Variants in LARGE1 observed in about 807,000 individuals in gnomAD.
The protein encoded by LARGE1 is xylosyl- and glucuronyltransferase LARGE1.
In LARGE1, 43 loss-of-function variants were observed where a neutral mutation model predicts 87.6. That is an observed-to-expected ratio of 0.49 (90% confidence interval 0.38 to 0.63). The LOEUF (loss-of-function observed/expected upper bound fraction) is 0.63, where lower values mean the gene tolerates loss of function less well. Ranked by LOEUF, LARGE1 falls within the 30% of genes least tolerant of loss-of-function variation. LARGE1 has a pLI of 0.00. For missense variants in LARGE1, 802 were observed against 1,000.2 expected (o/e 0.80, Z 2.67); for synonymous variants, 434 against 394.6 (o/e 1.10, Z -1.18).
At chr22:33,614,895 G>A (rs1023960503) in intron 4 of LARGE1, among the ~76,000 whole-genome samples, 6 of 152,126 alleles carry the variant, frequency 3.9e-5, no homozygotes, top group African/African-American at 4.8e-5. Flanking sequence ...AGCTGGTCTC[G>A]GGTGCAGTTC....
chr22:33,533,333 C>T (rs1052116961), intron 6 of LARGE1, among the ~76,000 whole-genome samples: 6 of 152,120 alleles, frequency 3.9e-5, no homozygotes, highest in African/African-American at 1.2e-4. Context: ...CCTGAAAGAC[C>T]GAGTCCTCAC....
At chr22:33,654,547 T>C (rs2080907547) in intron 2 of LARGE1, among the ~76,000 whole-genome samples, 1 of 152,134 alleles carries the variant, frequency 6.6e-6, no homozygotes, top group Admixed American at 6.5e-5. Context: ...TTCCTGACTA[T>C]TCCTTTTTCT....
the LARGE1 span, among the ~76,000 whole-genome samples, chr22:33,069,668 T>A: frequency 6.6e-6 from 1 of 152,194 alleles, no homozygotes; most frequent in South Asian, 2.1e-4. Flanking sequence ...AAGTACCCTA[T>A]AAATTTTAGC....
intron 11 of LARGE1, among the ~76,000 whole-genome samples, chr22:33,174,255 G>A (rs1226415308): frequency 6.6e-6 from 1 of 152,062 alleles, no homozygotes; most frequent in Non-Finnish European, 1.5e-5. Flanking sequence ...GGTAAATAAT[G>A]AAATAAAGGC....
chr22:33,743,859 C>A (rs1166217727), intron 2 of LARGE1: 1 of 152,232 alleles, frequency 6.6e-6, no homozygotes. Context: ...TTAATTTTCT[C>A]TAAGAGACAG....
intron 10 of LARGE1, among the ~76,000 whole-genome samples, chr22:33,317,117 G>A (rs1168052914): frequency 6.6e-6 from 1 of 152,108 alleles, no homozygotes; most frequent in Non-Finnish European, 1.5e-5. Flanking sequence ...AGGAGGCTGA[G>A]GCAGGAGAAT....
intron 2 of LARGE1, among the ~76,000 whole-genome samples, chr22:33,720,018 A>C (rs2083047728): frequency 6.6e-6 from 1 of 152,156 alleles, no homozygotes; most frequent in South Asian, 2.1e-4. Context: ...CTCCGCAGAC[A>C]AAGGTTGGGG....
intron 7 of LARGE1, among the ~76,000 whole-genome samples, chr22:33,387,882 GC>G (rs2065383651): frequency 6.6e-6 from 1 of 151,960 alleles, no homozygotes; most frequent in Non-Finnish European, 1.5e-5. Flanking sequence ...ATAATACCTT[GC>G]CACATTTACT....
chr22:33,551,067 G>T (rs1318445975), intron 6 of LARGE1, among the ~76,000 whole-genome samples: 2 of 152,116 alleles, frequency 1.3e-5, no homozygotes, highest in Non-Finnish European at 2.9e-5. Flanking sequence ...ATGGGAAAGG[G>T]GTGGATGATG....
chr22:33,470,630 A>T (rs1444332835), intron 6 of LARGE1, among the ~76,000 whole-genome samples: 1 of 152,182 alleles, frequency 6.6e-6, no homozygotes, highest in Non-Finnish European at 1.5e-5. Flanking sequence ...CCTCCCCGGA[A>T]GGGCCCCTCA....
chr22:33,305,844 C>T (rs57004220), intron 11 of LARGE1, among the ~76,000 whole-genome samples: 14,764 of 136,518 alleles, frequency 0.11, 1,912 homozygotes, highest in African/African-American at 0.29. Flanking sequence ...TTTTCTTTTT[C>T]TTTTTTTTTT....
At chr22:33,543,485 G>A (rs765199231) in intron 6 of LARGE1, among the ~76,000 whole-genome samples, 2 of 152,174 alleles carry the variant, frequency 1.3e-5, no homozygotes, top group Non-Finnish European at 2.9e-5. Flanking sequence ...TACTATGCTA[G>A]GCTATGGGGG....
At chr22:33,412,017 C>A (rs895071538) in intron 7 of LARGE1, among the ~76,000 whole-genome samples, 2 of 152,190 alleles carry the variant, frequency 1.3e-5, no homozygotes, top group Non-Finnish European at 2.9e-5. Context: ...GGCACGGTGG[C>A]TCACGCCTGT....
chr22:33,420,293 G>T (rs965055077), intron 7 of LARGE1, among the ~76,000 whole-genome samples: 1 of 152,190 alleles, frequency 6.6e-6, no homozygotes, highest in Non-Finnish European at 1.5e-5. Context: ...ATTCAGATGA[G>T]ATTGGGTGCA....
intron 5 of LARGE1, among the ~76,000 whole-genome samples, chr22:33,565,361 G>A (rs2077991587): frequency 6.6e-6 from 1 of 152,052 alleles, no homozygotes; most frequent in African/African-American, 2.4e-5. Context: ...AAACATAAAG[G>A]TCCAAAAATT....
chr22:33,323,792 C>G (rs1175416028), intron 10 of LARGE1, among the ~76,000 whole-genome samples: 2 of 152,190 alleles, frequency 1.3e-5, no homozygotes, highest in Non-Finnish European at 2.9e-5. Flanking sequence ...GCACGTAAAA[C>G]TGCTTTGTGA....
At chr22:33,346,476 T>C (rs1939777028) in intron 9 of LARGE1, among the ~76,000 whole-genome samples, 1 of 152,136 alleles carries the variant, frequency 6.6e-6, no homozygotes, top group South Asian at 2.1e-4. Flanking sequence ...CTATGTTTTG[T>C]ATTTTTAGTA....
rs541895139 is a variant in LARGE1, at chr22:33,365,070, T to C, written c.1131+16849A>G. On this transcript the variant is annotated intron_variant, in intron 9 of 14. Coordinates refer to ENST00000397394, the MANE Select transcript of LARGE1 (RefSeq NM_133642.5). ...TATTTTTATGTTTTTATTTTTGATA[T>C]AAAAAGACTTGAGAGTTTAGAAGTC... Among the ~76,000 whole-genome samples the C allele has an allele frequency of 4.9e-4, 74 of 152,224 alleles. No homozygotes were observed. In the South Asian group the frequency reaches 0.015, roughly 31 times the overall value.
rs1935887007 is a variant in LARGE1, at chr22:33,314,054, G to A, written c.1451+2031C>T. On this transcript the variant is annotated intron_variant, in intron 11 of 14. Transcript: ENST00000397394. Reference sequence around the variant, plus strand: ...AGTGCCTGGTGCAGAACGGTGAGCGGTATTTGCCGAGTGATCATGTGGATG... The same window carrying A: ...AGTGCCTGGTGCAGAACGGTGAGCGATATTTGCCGAGTGATCATGTGGATG... 3.9e-5 allele frequency among the ~76,000 whole-genome samples: 6 copies of A among 152,280 alleles called. No homozygotes were observed. The South Asian group carries it at 1.2e-3, about 32-fold the overall frequency.
Sources: gnomAD v4.1 joint callset for allele counts (sites outside exome capture counted in the v4.1 genomes callset) on GRCh38, gnomAD v4.1.1 for gene constraint, MANE v1.5 for transcripts, NCBI Gene and HGNC (gene_info 2026-07-23, HGNC 2026-07-21) for gene names.